The following CFAP54 variants were observed in gnomAD, a reference collection of about 807,000 sequenced individuals.
CFAP54 encodes cilia and flagella associated protein 54, also known as cilia- and flagella-associated protein 54.
Under a neutral mutation model 370.4 loss-of-function variants are expected in CFAP54, and 290 were observed. The observed-to-expected ratio is 0.78, with a 90% CI of 0.71 to 0.86. CFAP54 has a LOEUF of 0.86. Among genes scored for constraint, CFAP54 ranks in the 40% least tolerant of loss-of-function variants. The probability of loss-of-function intolerance (pLI) is 0.00; values close to 1 mark genes in which losing one functional copy is unlikely to be tolerated. For synonymous variants in CFAP54, 1,206 were observed against 1,236.5 expected, an observed-to-expected ratio of 0.98 and a Z score of 0.52; for missense variants, 3,399 against 3,528.7, an observed-to-expected ratio of 0.96 and a Z score of 0.93.
Position 96,699,960 on chromosome 12 carries a change from T to C in CFAP54, c.6352-11T>C. On this transcript the variant is annotated splice_polypyrimidine_tract_variant and intron_variant, in intron 45 of 67. Transcript: ENST00000524981. ...TTAATTAAGTACCTCATTATTTCCTTTCCTTTACAGATAGAAGTCCTTATA... is the reference window on the plus strand; with the variant it reads ...TTAATTAAGTACCTCATTATTTCCTCTCCTTTACAGATAGAAGTCCTTATA... 6.5e-7 allele frequency: 1 copy of C among 1,546,768 alleles called. No individual in the cohort carries two copies. The highest frequency in any genetic ancestry group is 8.8e-7 in the Non-Finnish European group (1 of 1,138,148).
chr12:96,835,527 C>T (rs2136766661), intron 66 of CFAP54, among the ~76,000 whole-genome samples: 1 of 152,308 alleles, frequency 6.6e-6, no homozygotes, highest in South Asian at 2.1e-4. Context: ...AGGAACCTGT[C>T]TGCCTCCTGC....
At chr12:96,634,839 A>G (rs909836138) in intron 32 of CFAP54, among the ~76,000 whole-genome samples, 1 of 152,210 alleles carries the variant, frequency 6.6e-6, no homozygotes, top group African/African-American at 2.4e-5. Flanking sequence ...TGAAAAGACT[A>G]TCCTTCTTCC....
chr12:96,744,069 A>G lies in CFAP54; in HGVS notation c.7607A>G (p.Tyr2536Cys). 2 of 1,610,734 alleles carry G rather than the reference A, an allele frequency of 1.2e-6. No homozygotes were observed. The highest frequency in any genetic ancestry group is 1.7e-6 in the Non-Finnish European group (2 of 1,177,974). Residue 2536 changes from tyrosine to cysteine, a missense_variant, in exon 55 of 68, where the codon TAT (tyrosine) becomes TGT (cysteine). Physicochemically the swap from Tyr to Cys is radical, Grantham distance 194. Around this residue, in one of 3 missense-constraint regions of CFAP54, gnomAD observed 2,796 missense variants for 2,869.7 expected, o/e 0.97. Coordinates refer to ENST00000524981, the MANE Select transcript of CFAP54 (RefSeq NM_001306084.2). ...TIEFRSSNTK[Y>C]ANPLQPLKNI... ...GAATTTCGTTCATCAAACACTAAAT[A>G]TGCAAATCCATTACAGCCTTTGAAA...
At chr12:96,632,901 G>A (rs1956623361) in intron 32 of CFAP54, among the ~76,000 whole-genome samples, 2 of 151,916 alleles carry the variant, frequency 1.3e-5, no homozygotes, top group Non-Finnish European at 2.9e-5. Context: ...GGTCTTTAAT[G>A]CCTTTCAATA....
At chr12:96,717,062 CCTAT>C (rs1340861395) in intron 48 of CFAP54, among the ~76,000 whole-genome samples, 2 of 152,120 alleles carry the variant, frequency 1.3e-5, no homozygotes, top group Non-Finnish European at 2.9e-5. Context: ...CTATGGATGG[CCTAT>C]CTGTCTAGCT....
intron 66 of CFAP54, among the ~76,000 whole-genome samples, chr12:96,846,160 T>C (rs897488752): frequency 6.6e-6 from 1 of 152,234 alleles, no homozygotes; most frequent in Admixed American, 6.5e-5. Flanking sequence ...GGTAAAGATA[T>C]AATTAATCAC....
intron 32 of CFAP54, among the ~76,000 whole-genome samples, chr12:96,634,253 A>G (rs1009468951): frequency 5.3e-5 from 8 of 151,476 alleles, no homozygotes; most frequent in African/African-American, 1.9e-4. Flanking sequence ...ACGGGGTTTC[A>G]CTATGTTGGT....
intron 9 of CFAP54, among the ~76,000 whole-genome samples, chr12:96,530,948 A>G (rs1189874502): frequency 2.0e-5 from 3 of 152,058 alleles, no homozygotes; most frequent in African/African-American, 7.2e-5. Flanking sequence ...ACAGTTTTTC[A>G]TGTGTTTATT....
At chr12:96,562,912 GA>G (rs553080870) in intron 17 of CFAP54, among the ~76,000 whole-genome samples, 99 of 152,226 alleles carry the variant, frequency 6.5e-4, no homozygotes, top group African/African-American at 2.3e-3. Context: ...TGTATAAATT[GA>G]AAATTTGATA....
intron 66 of CFAP54, among the ~76,000 whole-genome samples, chr12:96,836,795 G>A (rs12316471): frequency 0.38 from 57,469 of 151,968 alleles, 11,491 homozygotes; most frequent in South Asian, 0.53. Flanking sequence ...AATTTAGTAC[G>A]TTTATAGTTT....
intron 63 of CFAP54, among the ~76,000 whole-genome samples, chr12:96,811,128 A>C (rs1958924328): frequency 6.6e-6 from 1 of 152,218 alleles, no homozygotes; most frequent in Non-Finnish European, 1.5e-5. Flanking sequence ...GAATTAGACC[A>C]GATTATCTCT....
At chr12:96,682,031 A>T in intron 40 of CFAP54, 1 of 423,868 alleles carries the variant, frequency 2.4e-6, no homozygotes, top group Non-Finnish European at 3.2e-6. Flanking sequence ...TCTCAGCTAT[A>T]TACAAAATAT....
intron 14 of CFAP54, among the ~76,000 whole-genome samples, chr12:96,544,738 T>C (rs1955619443): frequency 1.3e-5 from 2 of 152,178 alleles, no homozygotes; most frequent in South Asian, 4.1e-4. Flanking sequence ...CTGAGTAATT[T>C]ATAAAGGAAA....
chr12:96,811,610 A>G (rs759590756), intron 63 of CFAP54, 126 bp from the exon 64 acceptor site: 11 of 529,962 alleles, frequency 2.1e-5, no homozygotes, highest in East Asian at 3.4e-5. Flanking sequence ...TGAAAACCCA[A>G]TTTTTCTCTT....
chr12:96,748,253 C>T (rs1006435066), intron 55 of CFAP54, among the ~76,000 whole-genome samples: 4 of 152,238 alleles, frequency 2.6e-5, no homozygotes, highest in African/African-American at 9.6e-5. Flanking sequence ...TTCGCTCCTT[C>T]TCTCCTACTG....
At chr12:96,650,420 ATGG>A in intron 35 of CFAP54, among the ~76,000 whole-genome samples, 1 of 152,178 alleles carries the variant, frequency 6.6e-6, no homozygotes, top group South Asian at 2.1e-4. Flanking sequence ...GGGTTCCTCT[ATGG>A]GGACTTGATC....
chr12:96,554,110 T>G (rs1406780646), intron 15 of CFAP54, 72 bp from the exon 16 acceptor site: 1 of 974,278 alleles, frequency 1.0e-6, no homozygotes, highest in Non-Finnish European at 1.5e-6. Flanking sequence ...TGAATTATTG[T>G]CAAAAATTGG....
At chr12:96,747,272 A>G (rs1565963399) in intron 55 of CFAP54, among the ~76,000 whole-genome samples, 1 of 152,196 alleles carries the variant, frequency 6.6e-6, no homozygotes, top group Non-Finnish European at 1.5e-5. Context: ...CATATATAAC[A>G]CAACATTACA....
intron 7 of CFAP54, 27 bp from the exon 8 acceptor site, chr12:96,522,061 C>T: frequency 6.5e-7 from 1 of 1,528,266 alleles, no homozygotes; most frequent in South Asian, 1.2e-5. Context: ...ATTGTTATTT[C>T]ATGTATAATT....
Sources: gnomAD v4.1 joint callset for allele counts (sites outside exome capture counted in the v4.1 genomes callset) on GRCh38, gnomAD v4.1.1 for gene constraint, gnomAD v4.1.1 regional missense constraint, MANE v1.5 for transcripts, NCBI Gene and HGNC (gene_info 2026-07-23, HGNC 2026-07-21) for gene names.